Variants in AGBL1 observed in about 807,000 individuals in gnomAD.
The protein encoded by AGBL1 is cytosolic carboxypeptidase 4.
AGBL1 carries 130 observed loss-of-function variants against 118.9 expected under a neutral mutation model. The observed-to-expected ratio is 1.09, with a 90% CI of 0.95 to 1.26. AGBL1 has a LOEUF of 1.26. AGBL1 is among the 50% of genes most tolerant of loss of function. The pLI is 0.00. For missense variants in AGBL1, 1,584 were observed against 1,298.1 expected (o/e 1.22, Z -3.38); for synonymous variants, 555 against 478.9 (o/e 1.16, Z -2.08).
chr15:86,530,817 G>A (rs1198725959), intron 19 of AGBL1, among the ~76,000 whole-genome samples: 10 of 120,592 alleles, frequency 8.3e-5, no homozygotes, highest in Non-Finnish European at 1.0e-4. Flanking sequence ...ACTCAAAGCC[G>A]CTCAACTACA....
intron 16 of AGBL1, 114 bp downstream of exon 16, chr15:86,279,897 G>A (rs913723720): frequency 3.0e-6 from 4 of 1,351,562 alleles, no homozygotes; most frequent in Non-Finnish European, 3.1e-6. Context: ...GGAATGTAGG[G>A]GAACTACAGC....
intron 5 of AGBL1, among the ~76,000 whole-genome samples, chr15:86,172,344 G>A (rs1305131742): frequency 6.6e-6 from 1 of 152,090 alleles, no homozygotes; most frequent in Non-Finnish European, 1.5e-5. Context: ...ATCACCTTGG[G>A]CAGTTATCAT....
chr15:86,207,187 A>G (rs1264437148), intron 5 of AGBL1, among the ~76,000 whole-genome samples: 1 of 152,220 alleles, frequency 6.6e-6, no homozygotes, highest in Non-Finnish European at 1.5e-5. Flanking sequence ...TTTTGGTACC[A>G]GTATCATGCT....
chr15:86,780,574 G>A lies in AGBL1; in HGVS notation c.3158+106138G>A, dbSNP rs528698317. 1.5e-4 allele frequency among the ~76,000 whole-genome samples: 23 copies of A among 152,150 alleles called. 1 individual carries two copies. Among genetic ancestry groups the A allele is most frequent in the South Asian group, 1.2e-3 (6 of 4,818 alleles). On this transcript the variant is annotated intron_variant, in intron 22 of 22. Coordinates refer to ENST00000614907, the MANE Select transcript of AGBL1 (RefSeq NM_001386094.1). ...ATTGAGTCAGTAGATCAATTTGGGG[G>A]AAGATTTGGAATTTGACAACATAAA...
At chr15:87,022,163 C>A (rs1449840752) in intron 24 of AGBL1, among the ~76,000 whole-genome samples, 1 of 152,084 alleles carries the variant, frequency 6.6e-6, no homozygotes, top group Non-Finnish European at 1.5e-5. Context: ...AGAATCTGAA[C>A]AACAGCCTTC....
At chr15:86,825,807 G>A (rs545618114) in intron 22 of AGBL1, among the ~76,000 whole-genome samples, 1 of 151,350 alleles carries the variant, frequency 6.6e-6, no homozygotes, top group African/African-American at 2.4e-5. Flanking sequence ...TTAAGTGATA[G>A]CACTAAATAT....
At chr15:86,249,461 A>G (rs965013763) in intron 7 of AGBL1, among the ~76,000 whole-genome samples, 2 of 152,214 alleles carry the variant, frequency 1.3e-5, no homozygotes, top group Admixed American at 6.5e-5. Context: ...CCTATCTGCT[A>G]TCACCTCTGG....
At chr15:86,748,510 CTTTTTTTTTTTTTTTTTTTTTTTTTTTTT>C (rs752203969) in intron 22 of AGBL1, among the ~76,000 whole-genome samples, 5 of 9,748 alleles carry the variant, frequency 5.1e-4, no homozygotes, top group Non-Finnish European at 1.3e-3. Flanking sequence ...TCAATTTTGG[CTTTTTTTTTTTTTTTTTTTTTTTTTTTTT>C]TTTTTTTGCC....
At chr15:86,134,207 T>C (rs1269824600) in intron 1 of AGBL1, among the ~76,000 whole-genome samples, 1 of 152,170 alleles carries the variant, frequency 6.6e-6, no homozygotes, top group Non-Finnish European at 1.5e-5. Context: ...CAGTCATTCA[T>C]TAACAACTTC....
chr15:86,583,831 T>C (rs1176795705), intron 21 of AGBL1, among the ~76,000 whole-genome samples: 1 of 152,176 alleles, frequency 6.6e-6, no homozygotes, highest in African/African-American at 2.4e-5. Flanking sequence ...TTCCCATTTC[T>C]CCACAGCCTC....
intron 22 of AGBL1, among the ~76,000 whole-genome samples, chr15:86,791,149 G>A (rs937215872): frequency 6.6e-6 from 1 of 152,150 alleles, no homozygotes; most frequent in African/African-American, 2.4e-5. Flanking sequence ...TTGCCACAGT[G>A]GATGAATCCT....
At chr15:86,622,996 A>C (rs917119293) in intron 21 of AGBL1, among the ~76,000 whole-genome samples, 2 of 152,152 alleles carry the variant, frequency 1.3e-5, no homozygotes, top group African/African-American at 4.8e-5. Flanking sequence ...TGCACAGTTC[A>C]CAATAGGGTT....
At chr15:86,676,506 T>G (rs1269142366) in intron 22 of AGBL1, among the ~76,000 whole-genome samples, 1 of 152,186 alleles carries the variant, frequency 6.6e-6, no homozygotes, top group Non-Finnish European at 1.5e-5. Flanking sequence ...TGAGAACCAT[T>G]TGATTAGTTT....
chr15:86,857,534 C>T (rs1475743839), intron 22 of AGBL1, among the ~76,000 whole-genome samples: 1 of 152,232 alleles, frequency 6.6e-6, no homozygotes, highest in Non-Finnish European at 1.5e-5. Context: ...CCACCTGCCT[C>T]TACCTGGCTA....
At chr15:86,481,624 G>A (rs2082652708) in intron 18 of AGBL1, among the ~76,000 whole-genome samples, 1 of 152,130 alleles carries the variant, frequency 6.6e-6, no homozygotes, top group South Asian at 2.1e-4. Context: ...CTTAAGAACA[G>A]CAGTGTCATG....
intron 17 of AGBL1, among the ~76,000 whole-genome samples, chr15:86,360,079 G>T (rs1818450579): frequency 6.6e-6 from 1 of 151,916 alleles, no homozygotes; most frequent in South Asian, 2.1e-4. Context: ...GTACTATGCT[G>T]AATAGAGGTG....
chr15:86,921,844 G>A (rs948570665), intron 23 of AGBL1, among the ~76,000 whole-genome samples: 6 of 152,102 alleles, frequency 3.9e-5, no homozygotes, highest in African/African-American at 1.2e-4. Context: ...TCCCCAGACT[G>A]TCCGCTCTCC....
At chr15:86,341,751 C>T (rs1389028008) in intron 17 of AGBL1, among the ~76,000 whole-genome samples, 1 of 151,978 alleles carries the variant, frequency 6.6e-6, no homozygotes, top group Non-Finnish European at 1.5e-5. Context: ...TCAGGAGGGC[C>T]CCGAACCTTG....
chr15:86,715,843 G>T lies in AGBL1; in HGVS notation c.3158+41407G>T, dbSNP rs190562894. 2.7e-3 allele frequency among the ~76,000 whole-genome samples: 404 copies of T among 152,138 alleles called. 1 individual carries two copies. Among genetic ancestry groups the T allele is most frequent in the African/African-American group, 9.2e-3 (381 of 41,498 alleles). The stretch of plus-strand genomic sequence containing the variant: ...GGAGGCTGAGGCGGGCGGATCACAA[G>T]GTCAGGAGATCGAGACCATCCTGGC... On this transcript the variant is annotated intron_variant, in intron 22 of 22. Coordinates refer to ENST00000614907, the MANE Select transcript of AGBL1 (RefSeq NM_001386094.1).
Sources: gnomAD v4.1 joint callset for allele counts (sites outside exome capture counted in the v4.1 genomes callset) on GRCh38, gnomAD v4.1.1 for gene constraint, MANE v1.5 for transcripts, NCBI Gene and HGNC (gene_info 2026-07-23, HGNC 2026-07-21) for gene names.